The following BLM variants were observed in gnomAD, a reference collection of about 807,000 sequenced individuals.
BLM encodes the protein BLM RecQ like helicase.
A neutral mutation model predicts 135.3 loss-of-function variants in BLM; 95 were observed. The ratio of observed to expected loss-of-function variants is 0.70; its 90% CI spans 0.59 to 0.83. The LOEUF is 0.83. BLM is among the 40% of genes least tolerant of loss of function. The pLI, the probability that BLM is intolerant of heterozygous loss-of-function variation, is 0.00. For missense variants in BLM, 1,518 were observed against 1,663.9 expected, an observed-to-expected ratio of 0.91 and a Z score of 1.53; for synonymous variants, 520 against 589.2, an observed-to-expected ratio of 0.88 and a Z score of 1.70.
At chr15:90,724,731 T>C (rs1028758728) in intron 1 of BLM, among the ~76,000 whole-genome samples, 7 of 152,168 alleles carry the variant, frequency 4.6e-5, no homozygotes, top group African/African-American at 1.4e-4. Flanking sequence ...GGCACTTCCA[T>C]GCCCTCTCCA....
intron 7 of BLM, among the ~76,000 whole-genome samples, chr15:90,762,165 G>A (rs954102403): frequency 5.3e-5 from 8 of 152,158 alleles, no homozygotes; most frequent in Non-Finnish European, 8.8e-5. Flanking sequence ...TGGGGTTAGC[G>A]TAACTGCCAG....
Position 90,723,040 on chromosome 15 carries a change from T to C in BLM, c.-5+5600T>C, listed in dbSNP as rs1219791608. 3.9e-5 allele frequency among the ~76,000 whole-genome samples: 6 copies of C among 152,046 alleles called. 1 individual carries two copies. The East Asian group carries it at 7.7e-4, about 20-fold the overall frequency. On this transcript the variant is annotated intron_variant, in intron 1 of 21. Transcript: ENST00000355112. Reference sequence around the variant, plus strand: ...TATTTTTAGTAGAGACGGGGTTACATCATGTTGGCCAGGCTGGTCTTAAAC... The same window carrying C: ...TATTTTTAGTAGAGACGGGGTTACACCATGTTGGCCAGGCTGGTCTTAAAC...
intron 14 of BLM, among the ~76,000 whole-genome samples, chr15:90,789,047 AT>A (rs2151183115): frequency 9.9e-6 from 1 of 100,740 alleles, no homozygotes; most frequent in Non-Finnish European, 1.8e-5. Flanking sequence ...ATGGAGATAT[AT>A]ATATATATAT....
intron 6 of BLM, 94 bp from the exon 7 acceptor site, chr15:90,760,500 A>G: frequency 1.5e-6 from 2 of 1,376,656 alleles, no homozygotes; most frequent in Non-Finnish European, 2.0e-6. Context: ...TTTTGCTACA[A>G]TTTCTATTTG....
chr15:90,776,242 TAAGCA>T (rs1397406684), intron 12 of BLM, among the ~76,000 whole-genome samples: 1 of 152,198 alleles, frequency 6.6e-6, no homozygotes, highest in Non-Finnish European at 1.5e-5. Context: ...AAATTTGTGG[TAAGCA>T]AAGAATTGGA....
At chr15:90,806,831 C>T (rs1256447564) in intron 19 of BLM, among the ~76,000 whole-genome samples, 2 of 152,136 alleles carry the variant, frequency 1.3e-5, no homozygotes, top group Non-Finnish European at 2.9e-5. Flanking sequence ...ATTTCACTGA[C>T]TCTAAGATGC....
intron 16 of BLM, among the ~76,000 whole-genome samples, chr15:90,795,473 T>C (rs561975733): frequency 6.6e-6 from 1 of 150,388 alleles, no homozygotes; most frequent in African/African-American, 2.5e-5. Context: ...AGAGCGAAAC[T>C]CCATCAAAAA....
intron 1 of BLM, among the ~76,000 whole-genome samples, chr15:90,733,086 A>G (rs988797149): frequency 2.6e-5 from 4 of 152,036 alleles, no homozygotes; most frequent in South Asian, 2.1e-4. Flanking sequence ...GAGTGAGACT[A>G]TGTCTCAAAA....
intron 12 of BLM, among the ~76,000 whole-genome samples, chr15:90,776,791 C>T (rs1314587258): frequency 2.0e-5 from 3 of 152,072 alleles, no homozygotes; most frequent in Non-Finnish European, 4.4e-5. Flanking sequence ...CTGCCTGCCC[C>T]GGCCTCCCAA....
At chr15:90,781,013 G>A (rs1896604559) in intron 12 of BLM, among the ~76,000 whole-genome samples, 1 of 152,146 alleles carries the variant, frequency 6.6e-6, no homozygotes, top group Non-Finnish European at 1.5e-5. Context: ...AAAATTGAGG[G>A]TCTGAATTTG....
chr15:90,802,056 CAA>C (rs978943593), intron 17 of BLM, among the ~76,000 whole-genome samples: 1 of 145,218 alleles, frequency 6.9e-6, no homozygotes, highest in Admixed American at 6.9e-5. Flanking sequence ...GACCCTGACT[CAA>C]AAAAAAAAAA....
intron 17 of BLM, 106 bp downstream of exon 17, chr15:90,798,443 C>A: frequency 8.2e-7 from 1 of 1,215,918 alleles, no homozygotes; most frequent in Non-Finnish European, 1.2e-6. Flanking sequence ...TCTTATAAAA[C>A]TTGAGTTTCT....
At chr15:90,784,104 A>G (rs1719604283) in intron 13 of BLM, among the ~76,000 whole-genome samples, 3 of 152,038 alleles carry the variant, frequency 2.0e-5, no homozygotes, top group Admixed American at 2.0e-4. Context: ...AACACTTTTG[A>G]TAGTTATAGT....
intron 10 of BLM, among the ~76,000 whole-genome samples, chr15:90,768,135 G>A (rs1393928890): frequency 6.6e-6 from 1 of 151,856 alleles, no homozygotes; most frequent in African/African-American, 2.4e-5. Flanking sequence ...TAGAGATGGG[G>A]TTTCACCATC....
chr15:90,738,680 A>T (rs1291704072), intron 1 of BLM, among the ~76,000 whole-genome samples: 2 of 152,242 alleles, frequency 1.3e-5, no homozygotes, highest in Non-Finnish European at 2.9e-5. Context: ...AAGAAGATAT[A>T]CAAATGGCCA....
chr15:90,780,839 T>C (rs1176481859), intron 12 of BLM, among the ~76,000 whole-genome samples: 2 of 152,190 alleles, frequency 1.3e-5, no homozygotes, highest in African/African-American at 4.8e-5. Flanking sequence ...ATACATTGTA[T>C]TGAGTATTAT....
At position 90,735,940 on chromosome 15, in the gene BLM, TG is replaced by T. The variant is rs560916886; in HGVS notation, c.-4-11447del. ...ATTGAGAGAAAAAAATACTAAAATTTGGTTAAAAAGGCAGAATACATGAGCA... is the reference window on the plus strand; with the variant it reads ...ATTGAGAGAAAAAAATACTAAAATTTGTTAAAAAGGCAGAATACATGAGCA... On this transcript the variant is annotated intron_variant, in intron 1 of 21. Coordinates refer to ENST00000355112, the MANE Select transcript of BLM (RefSeq NM_000057.4). Among the ~76,000 whole-genome samples, 25 of 152,284 alleles carry T rather than the reference TG, an allele frequency of 1.6e-4. 1 individual carries two copies. In the East Asian group the frequency reaches 4.8e-3, roughly 29 times the overall value.
rs368473682 is a variant in BLM at position 90,804,154 on chromosome 15, C to G, written c.3559-13C>G. The G allele has an allele frequency of 3.4e-5, 54 of 1,609,960 alleles. No homozygotes were observed. Among genetic ancestry groups the G allele is most frequent in the Non-Finnish European group, 4.3e-5 (51 of 1,176,688 alleles). On this transcript the variant is annotated splice_polypyrimidine_tract_variant and intron_variant, in intron 18 of 21. Coordinates refer to ENST00000355112, the MANE Select transcript of BLM (RefSeq NM_000057.4). ...ATATACCCACTCCTATGATTTGTTT[C>G]TCTCTCATAAAGGTAGACTTTATGG...
chr15:90,775,881 T>C lies in BLM; in HGVS notation c.2555+6295T>C, dbSNP rs147160920. Among the ~76,000 whole-genome samples the C allele has an allele frequency of 4.8e-3, 724 of 152,056 alleles. 11 individuals are homozygous for C. The highest frequency in any genetic ancestry group is 0.017 in the African/African-American group (712 of 41,392). ...TTTGTTTGTTTGTTTGTTTAAGAGA[T>C]GAGGTCTCGTTATATTGTTCGGGTT... On this transcript the variant is annotated intron_variant, in intron 12 of 21. Coordinates refer to ENST00000355112, the MANE Select transcript of BLM (RefSeq NM_000057.4).
Sources: allele counts gnomAD v4.1 joint callset (sites outside exome capture counted in the v4.1 genomes callset), GRCh38; gene constraint gnomAD v4.1.1; transcripts MANE v1.5; gene names NCBI Gene and HGNC (gene_info 2026-07-23, HGNC 2026-07-21).